The following TMBIM6 variants were observed in gnomAD, a reference collection of about 807,000 sequenced individuals.
TMBIM6 encodes the protein bax inhibitor 1.
Under a neutral mutation model 31.4 loss-of-function variants are expected in TMBIM6, and 13 were observed. That is an observed-to-expected ratio of 0.41 (90% CI 0.27 to 0.66). The LOEUF is 0.66. TMBIM6 is among the 30% of genes least tolerant of loss of function. The probability of loss-of-function intolerance (pLI) is 0.28; values close to 1 mark genes in which losing one functional copy is unlikely to be tolerated. For synonymous variants in TMBIM6, 85 were observed against 101.7 expected, an observed-to-expected ratio of 0.84 and a Z score of 0.99; for missense variants, 275 against 289.5, an observed-to-expected ratio of 0.95 and a Z score of 0.36.
At position 49,763,884 on chromosome 12, in the gene TMBIM6, A is replaced by G. The variant is rs979693610; in HGVS notation, c.*988A>G. ...GGAGCAAAATCTCCTTTAACAACCAAGCAGTTCCTCATTCACATCAACAGA... is the reference window on the plus strand; with the variant it reads ...GGAGCAAAATCTCCTTTAACAACCAGGCAGTTCCTCATTCACATCAACAGA... On this transcript the variant is annotated 3_prime_UTR_variant, in exon 10 of 10. Coordinates refer to ENST00000267115, the MANE Select transcript of TMBIM6 (RefSeq NM_003217.3). 2.0e-5 allele frequency: 3 copies of G among 152,200 alleles called. No individual in the cohort carries two copies. The highest frequency in any genetic ancestry group is 2.9e-5 in the Non-Finnish European group (2 of 68,068). The allele number at this position is 152,200 out of a possible 1,614,324, so 9.4% of individuals were successfully genotyped here. A position where few individuals can be genotyped will look rare whatever the true frequency, so the allele number is the denominator to read the frequency against.
Position 49,763,212 on chromosome 12 carries a change from C to G in TMBIM6, c.*316C>G. On this transcript the variant is annotated 3_prime_UTR_variant, in exon 10 of 10. Coordinates refer to ENST00000267115, the MANE Select transcript of TMBIM6 (RefSeq NM_003217.3). ...AGCAGAGGGCGCCAACTTCAGGAGT[C>G]CGCTTTCCCACCAGGCTTCATTCAC... The G allele has an allele frequency of 3.7e-6, 1 of 270,684 alleles. No individual in the cohort carries two copies. The highest frequency in any genetic ancestry group is 7.4e-5 in the South Asian group (1 of 13,590). 16.8% of individuals were successfully genotyped at this position (270,684 alleles called of 1,614,324 possible).
chr12:49,755,783 A>C, intron 4 of TMBIM6, 28 bp downstream of exon 4: 1 of 1,596,818 alleles, frequency 6.3e-7, no homozygotes, highest in Non-Finnish European at 8.5e-7. Flanking sequence ...TCTAATTTTG[A>C]GGGGTGAGCT....
chr12:49,753,837 C>T (rs1056422441), intron 3 of TMBIM6, among the ~76,000 whole-genome samples: 37 of 152,056 alleles, frequency 2.4e-4, no homozygotes, highest in African/African-American at 8.7e-4. Flanking sequence ...TAGTAAAATA[C>T]AGTCAATCCT....
At chr12:49,761,242 C>T (rs957689244) in intron 8 of TMBIM6, among the ~76,000 whole-genome samples, 2 of 152,072 alleles carry the variant, frequency 1.3e-5, no homozygotes. Context: ...ACAGGGCTTG[C>T]TCTGTCACCC....
At chr12:49,742,098 C>G in intron 1 of TMBIM6, 3 of 1,597,148 alleles carry the variant, frequency 1.9e-6, no homozygotes, top group South Asian at 1.1e-5. Flanking sequence ...GGTGAGCGGC[C>G]CGGAGCCAAG....
intron 8 of TMBIM6, 23 bp from the exon 9 acceptor site, chr12:49,761,681 C>G: frequency 6.2e-7 from 1 of 1,612,634 alleles, no homozygotes; most frequent in South Asian, 1.1e-5. Flanking sequence ...AGTACAGATC[C>G]TAATCTGGTT....
In TMBIM6 at chr12:49,753,059, A is replaced by T. The variant is rs139270926; in HGVS notation, c.143A>T (p.His48Leu). Residue 48 changes from histidine (H) to leucine (L), a missense_variant, in exon 3 of 10, where the codon CAT becomes CTT. His to Leu is a moderately conservative substitution (Grantham distance 99). Transcript: ENST00000267115. The part of the protein sequence containing the change: ...MFVAAAGAYV[H>L]MVTHFIQAGL... Reference sequence around the variant, plus strand: ...GTGGCGGCTGCAGGGGCCTATGTCCATATGGTCACTCATTTCATTCAGGTA... The same window carrying T: ...GTGGCGGCTGCAGGGGCCTATGTCCTTATGGTCACTCATTTCATTCAGGTA... 2 of 1,613,832 alleles carry T rather than the reference A, an allele frequency of 1.2e-6. No homozygotes were observed. Among genetic ancestry groups the T allele is most frequent in the Admixed American group, 3.3e-5 (2 of 59,956 alleles).
chr12:49,749,435 A>ATTTTT (rs372622355), intron 1 of TMBIM6, among the ~76,000 whole-genome samples: 5 of 136,382 alleles, frequency 3.7e-5, no homozygotes, highest in Non-Finnish European at 3.1e-5. Flanking sequence ...TTTGTAAGTC[A>ATTTTT]TTTTTGTTTT....
chr12:49,755,635 G>T lies in TMBIM6; in HGVS notation c.166G>T (p.Ala56Ser), dbSNP rs781643866. Residue 56 changes from alanine to serine, a missense_variant and splice_region_variant, in exon 4 of 10, where the codon GCT becomes TCT. Coordinates refer to ENST00000267115, the MANE Select transcript of TMBIM6 (RefSeq NM_003217.3). ...GATTGATTGATTCTGACTCTAACAG[G>T]CTGGCCTGCTGTCTGCCTTGGGCTC... The part of the protein sequence containing the change: ...YVHMVTHFIQ[A>S]GLLSALGSLI... 102 of 1,613,216 alleles carry T rather than the reference G, an allele frequency of 6.3e-5. No individual in the cohort carries two copies. The highest frequency in any genetic ancestry group is 8.3e-5 in the Non-Finnish European group (98 of 1,179,754).
At chr12:49,743,182 A>G (rs867328114) in intron 1 of TMBIM6, among the ~76,000 whole-genome samples, 93 of 151,576 alleles carry the variant, frequency 6.1e-4, no homozygotes, top group African/African-American at 2.0e-3. Flanking sequence ...GGGTATCACC[A>G]TGTTGCCCAG....
intron 1 of TMBIM6, among the ~76,000 whole-genome samples, chr12:49,751,583 T>A (rs1280055420): frequency 6.6e-6 from 1 of 152,090 alleles, no homozygotes; most frequent in Non-Finnish European, 1.5e-5. Flanking sequence ...TCTCTTTTTT[T>A]AAAATTGTGA....
intron 1 of TMBIM6, among the ~76,000 whole-genome samples, chr12:49,751,875 G>A (rs1194069770): frequency 1.4e-5 from 2 of 146,030 alleles, no homozygotes; most frequent in Non-Finnish European, 3.0e-5. Context: ...CAATTCTTCT[G>A]TCTTAGGCTC....
chr12:49,752,053 C>A (rs1243921659), intron 1 of TMBIM6, among the ~76,000 whole-genome samples: 2 of 152,112 alleles, frequency 1.3e-5, no homozygotes, highest in African/African-American at 2.4e-5. Context: ...CCTCAGTGAG[C>A]CACTATGCCC....
At chr12:49,753,197 G>A in intron 3 of TMBIM6, 116 bp downstream of exon 3, 1 of 695,624 alleles carries the variant, frequency 1.4e-6, no homozygotes, top group Admixed American at 3.2e-5. Context: ...CAGTAGTTTA[G>A]GATTTAAACT....
At chr12:49,762,741 C>T (rs1368730031) in intron 9 of TMBIM6, 132 bp from the exon 10 acceptor site, 1 of 880,794 alleles carries the variant, frequency 1.1e-6, no homozygotes, top group East Asian at 2.5e-5. Flanking sequence ...TCTTGCTGAG[C>T]TAAGGAAGCA....
intron 1 of TMBIM6, among the ~76,000 whole-genome samples, chr12:49,750,061 C>T (rs531720921): frequency 2.6e-5 from 4 of 152,188 alleles, no homozygotes; most frequent in Non-Finnish European, 5.9e-5. Flanking sequence ...GTGAAATTGC[C>T]GTTTGACATC....
Position 49,763,056 on chromosome 12 carries a change from T to C in TMBIM6, c.*160T>C. ...ATTTTGAATTTTTTGATCAAAAAAC[T>C]GATTAGCAGAATATAGTTTGGAGTT... On this transcript the variant is annotated 3_prime_UTR_variant, in exon 10 of 10. Coordinates refer to ENST00000267115, the MANE Select transcript of TMBIM6 (RefSeq NM_003217.3). 1.3e-6 allele frequency: 1 copy of C among 776,134 alleles called. No homozygotes were observed. The highest frequency in any genetic ancestry group is 2.3e-5 in the South Asian group (1 of 43,576). The allele number at this position is 776,134 out of a possible 1,614,324, so 48.1% of individuals were successfully genotyped here. A position where few individuals can be genotyped will look rare whatever the true frequency, so the allele number is the denominator to read the frequency against.
intron 8 of TMBIM6, among the ~76,000 whole-genome samples, chr12:49,761,254 A>G (rs913259164): frequency 6.6e-6 from 1 of 151,910 alleles, no homozygotes; most frequent in African/African-American, 2.4e-5. Flanking sequence ...CTGTCACCCA[A>G]GCTGCAGTAG....
In TMBIM6 at chr12:49,763,031, A is replaced by G; in HGVS notation, c.*135A>G. The stretch of plus-strand genomic sequence containing the variant: ...GCTTTTGTACTTTGTGGTTTCCTCT[A>G]TTTTGAATTTTTTGATCAAAAAACT... On this transcript the variant is annotated 3_prime_UTR_variant, in exon 10 of 10. Transcript: ENST00000267115. 4 of 1,035,946 alleles carry G rather than the reference A, an allele frequency of 3.9e-6. No individual in the cohort carries two copies. The highest frequency in any genetic ancestry group is 3.9e-5 in the South Asian group (2 of 51,014). The allele number at this position is 1,035,946 out of a possible 1,614,324, so 64.2% of individuals were successfully genotyped here.
Sources: allele counts gnomAD v4.1 joint callset (sites outside exome capture counted in the v4.1 genomes callset), GRCh38; gene constraint gnomAD v4.1.1; transcripts MANE v1.5; gene names NCBI Gene and HGNC (gene_info 2026-07-23, HGNC 2026-07-21).